Variants in TRIM24 observed in about 807,000 individuals in gnomAD.
The protein encoded by TRIM24 is tripartite motif containing 24.
TRIM24 carries 29 observed loss-of-function variants against 123.9 expected under a neutral mutation model. The observed-to-expected ratio is 0.23, with a 90% CI of 0.17 to 0.32. The LOEUF (loss-of-function observed/expected upper bound fraction) is 0.32, where lower values mean the gene tolerates loss of function less well. Ranked by LOEUF, TRIM24 falls within the 10% of genes least tolerant of loss-of-function variation. The pLI is 1.00. For synonymous variants in TRIM24, 456 were observed against 461.1 expected (o/e 0.99, Z 0.14); for missense variants, 932 against 1,295.3 (o/e 0.72, Z 4.31).
intron 7 of TRIM24, among the ~76,000 whole-genome samples, chr7:138,539,329 A>G (rs1421524916): frequency 6.6e-6 from 1 of 152,108 alleles, no homozygotes; most frequent in African/African-American, 2.4e-5. Context: ...GTAGTGCTGG[A>G]TATTTTTGCC....
chr7:138,475,669 C>A (rs1412867960), intron 1 of TRIM24, among the ~76,000 whole-genome samples: 1 of 152,134 alleles, frequency 6.6e-6, no homozygotes, highest in Admixed American at 6.6e-5. Flanking sequence ...ATGCACCATA[C>A]CCAGCTAATT....
intron 1 of TRIM24, among the ~76,000 whole-genome samples, chr7:138,466,234 A>G (rs1795133513): frequency 6.6e-6 from 1 of 152,102 alleles, no homozygotes; most frequent in Admixed American, 6.5e-5. Flanking sequence ...ACCTCAGGTG[A>G]TCCACCCGCC....
intron 9 of TRIM24, among the ~76,000 whole-genome samples, chr7:138,564,326 G>A (rs1010623988): frequency 6.6e-6 from 1 of 152,070 alleles, no homozygotes; most frequent in Admixed American, 6.5e-5. Flanking sequence ...GACCTCCTGG[G>A]GCTCCGATCT....
chr7:138,536,898 T>C lies in TRIM24; in HGVS notation c.997-1759T>C, dbSNP rs1796888961. The stretch of plus-strand genomic sequence containing the variant: ...CTTCCTGGCCGCTTTGTTTACCTAC[T>C]CAAGCCTCAGCAATGGTGGGCGCCC... On this transcript the variant is annotated intron_variant, in intron 6 of 18. Coordinates refer to ENST00000343526, the MANE Select transcript of TRIM24 (RefSeq NM_015905.3). Among the ~76,000 whole-genome samples the C allele has an allele frequency of 3.3e-5, 5 of 152,206 alleles. No individual in the cohort carries two copies. In the South Asian group the frequency reaches 1.0e-3, roughly 32 times the overall value.
At position 138,577,416 on chromosome 7, in the gene TRIM24, A is replaced by G. The variant is rs1185349553; in HGVS notation, c.2088-4A>G. The G allele has an allele frequency of 1.9e-6, 3 of 1,549,098 alleles. No individual in the cohort carries two copies. The highest frequency in any genetic ancestry group is 4.2e-5 in the Admixed American group (2 of 47,328). Reference sequence around the variant, plus strand: ...TTGCTTTTTCTTCTCTCTCATACTTACAGCTCTGGCTCTTCCAGCAAACCA... The same window carrying G: ...TTGCTTTTTCTTCTCTCTCATACTTGCAGCTCTGGCTCTTCCAGCAAACCA... On this transcript the variant is annotated splice_polypyrimidine_tract_variant and splice_region_variant and intron_variant, in intron 13 of 18. Transcript: ENST00000343526.
intron 1 of TRIM24, chr7:138,461,164 C>T (rs766253608): frequency 2.9e-6 from 2 of 701,610 alleles, no homozygotes; most frequent in Non-Finnish European, 5.3e-6. Flanking sequence ...GCTCCGCATT[C>T]TCAACAGCCG....
chr7:138,579,148 C>A (rs1479596557), intron 14 of TRIM24, 56 bp from the exon 15 acceptor site: 3 of 1,427,180 alleles, frequency 2.1e-6, no homozygotes, highest in African/African-American at 2.9e-5. Context: ...TTCAGAATTG[C>A]ATTAGTGATA....
intron 7 of TRIM24, among the ~76,000 whole-genome samples, chr7:138,544,028 TTC>T (rs1797054182): frequency 6.6e-6 from 1 of 152,076 alleles, no homozygotes. Context: ...CAAGGTCTTG[TTC>T]TGTCACCCCA....
chr7:138,521,773 A>G (rs138577692), intron 4 of TRIM24, among the ~76,000 whole-genome samples: 412 of 152,336 alleles, frequency 2.7e-3, no homozygotes, highest in African/African-American at 8.9e-3. Flanking sequence ...ATAAATATTA[A>G]CCAAAGGCAA....
rs2116445347 is a variant in TRIM24 at position 138,466,033 on chromosome 7, T to C, written c.364+5121T>C. Reference sequence around the variant, plus strand: ...TTGTTTTTGTTTTTGAGACGGAGTCTCACTCTGTCGCCCAGGCTGGAGTGC... The same window carrying C: ...TTGTTTTTGTTTTTGAGACGGAGTCCCACTCTGTCGCCCAGGCTGGAGTGC... On this transcript the variant is annotated intron_variant, in intron 1 of 18. Coordinates refer to ENST00000343526, the MANE Select transcript of TRIM24 (RefSeq NM_015905.3). Among the ~76,000 whole-genome samples, 3 of 152,370 alleles carry C rather than the reference T, an allele frequency of 2.0e-5. No homozygotes were observed. In the Middle Eastern group the frequency reaches 0.01, roughly 518 times the overall value.
chr7:138,511,242 A>T (rs1477733511), intron 2 of TRIM24, among the ~76,000 whole-genome samples: 1 of 151,824 alleles, frequency 6.6e-6, no homozygotes, highest in Non-Finnish European at 1.5e-5. Flanking sequence ...GGCTTGTCTT[A>T]CATGTGGCCG....
At chr7:138,462,123 G>A (rs1010495788) in intron 1 of TRIM24, among the ~76,000 whole-genome samples, 1 of 152,108 alleles carries the variant, frequency 6.6e-6, no homozygotes, top group Non-Finnish European at 1.5e-5. Flanking sequence ...TTCCACCAGA[G>A]CAAAAGGCGG....
intron 10 of TRIM24, among the ~76,000 whole-genome samples, chr7:138,568,482 G>T (rs1380689546): frequency 1.4e-5 from 2 of 143,874 alleles, no homozygotes; most frequent in African/African-American, 5.2e-5. Context: ...TGCCTTCCGG[G>T]TTCAAGCAAT....
chr7:138,496,012 A>G (rs1795898347), intron 1 of TRIM24, among the ~76,000 whole-genome samples: 1 of 152,212 alleles, frequency 6.6e-6, no homozygotes, highest in South Asian at 2.1e-4. Context: ...ATCCATAGTA[A>G]ATCTTGAAAT....
chr7:138,505,964 C>G (rs118176628), intron 2 of TRIM24, among the ~76,000 whole-genome samples: 1,615 of 152,212 alleles, frequency 0.011, 19 homozygotes, highest in Non-Finnish European at 0.017. Context: ...CTAACAGTTC[C>G]CTTAACTTGG....
At chr7:138,492,494 C>T (rs10259673) in intron 1 of TRIM24, among the ~76,000 whole-genome samples, 3,228 of 152,104 alleles carry the variant, frequency 0.021, 92 homozygotes, top group African/African-American at 0.071. Flanking sequence ...GTGAAGGGGA[C>T]ATCCTGCAAA....
chr7:138,540,809 T>C (rs181711698), intron 7 of TRIM24, among the ~76,000 whole-genome samples: 331 of 152,330 alleles, frequency 2.2e-3, no homozygotes, highest in African/African-American at 7.0e-3. Flanking sequence ...TCACTGTGTA[T>C]GGTGGCTATT....
chr7:138,553,178 A>G (rs554964364), intron 8 of TRIM24, among the ~76,000 whole-genome samples: 6 of 152,330 alleles, frequency 3.9e-5, no homozygotes, highest in African/African-American at 1.4e-4. Context: ...CATTTACAGC[A>G]CTGTAAATTC....
intron 6 of TRIM24, among the ~76,000 whole-genome samples, chr7:138,532,350 T>A (rs1467575551): frequency 2.0e-5 from 3 of 152,146 alleles, no homozygotes; most frequent in Non-Finnish European, 4.4e-5. Context: ...TGGTTTTAGG[T>A]CTAACATTTA....
Sources: gnomAD v4.1 joint callset for allele counts (sites outside exome capture counted in the v4.1 genomes callset) on GRCh38, gnomAD v4.1.1 for gene constraint, MANE v1.5 for transcripts, NCBI Gene and HGNC (gene_info 2026-07-23, HGNC 2026-07-21) for gene names.